Variants in GOSR2 observed in about 807,000 individuals in gnomAD.
GOSR2 encodes the protein 27 kDa Golgi SNARE protein.
GOSR2 carries 20 observed loss-of-function variants against 27.9 expected under a neutral mutation model. The ratio of observed to expected loss-of-function variants is 0.72; its 90% confidence interval spans 0.50 to 1.04. GOSR2 has a LOEUF of 1.04. Among genes scored for constraint, GOSR2 ranks in the 50% least tolerant of loss-of-function variants. GOSR2 has a pLI of 0.00. For missense variants in GOSR2, 261 were observed against 270.5 expected (o/e 0.97, Z 0.25); for synonymous variants, 91 against 98.8 (o/e 0.92, Z 0.47).
At chr17:46,967,571 G>T (rs2091348420), downstream of GOSR2, among the ~76,000 whole-genome samples, 2 of 152,300 alleles carry the variant, frequency 1.3e-5, no homozygotes, top group African/African-American at 4.8e-5. Flanking sequence ...AGGAACAGAG[G>T]CATGGAGTGT....
In GOSR2 at chr17:46,940,987, A is replaced by G. The variant is rs2089193176; in HGVS notation, c.*2227A>G. Reference sequence around the variant, plus strand: ...CTCAGTGTAGGGAAGGGTCCAGGCCAGGGAAGGAGCACCCTCTAGTGGAGG... The same window carrying G: ...CTCAGTGTAGGGAAGGGTCCAGGCCGGGGAAGGAGCACCCTCTAGTGGAGG... On this transcript the variant is annotated 3_prime_UTR_variant, in exon 6 of 6. Coordinates refer to ENST00000640051, the MANE Select transcript of GOSR2 (RefSeq NM_004287.5). The G allele has an allele frequency of 1.7e-6, 2 of 1,176,416 alleles. No homozygotes were observed. The highest frequency in any genetic ancestry group is 5.4e-5 in the East Asian group (1 of 18,468). 72.9% of individuals were successfully genotyped at this position (1,176,416 alleles called of 1,614,324 possible).
At chr17:46,972,946 A>T (rs972139493) in intron 6 of GOSR2, 1 of 153,868 alleles carries the variant, frequency 6.5e-6, no homozygotes, top group Non-Finnish European at 1.5e-5. Context: ...TTGTACGTCA[A>T]GTTTATTAGG....
At position 46,927,741 on chromosome 17, in the gene GOSR2, C is replaced by T. The variant is rs184280076; in HGVS notation, c.30-1779C>T. 3.9e-5 allele frequency among the ~76,000 whole-genome samples: 6 copies of T among 152,242 alleles called. No homozygotes were observed. In the East Asian group the frequency reaches 5.8e-4, roughly 15 times the overall value. On this transcript the variant is annotated intron_variant, in intron 1 of 5. Transcript: ENST00000640051. The stretch of plus-strand genomic sequence containing the variant: ...CCTTGTCTGTCTGCACCTGCACTGC[C>T]GCCATATTGTTTCCATTGTTACTGC...
chr17:46,939,029 G>A lies in GOSR2; in HGVS notation c.*269G>A. On this transcript the variant is annotated 3_prime_UTR_variant, in exon 6 of 6. Transcript: ENST00000640051. ...TCTCACTCTCGCTCTCACTGGGGGA[G>A]GGAAAGAATGGCTTTGGTGGCTTTG... 1 of 1,281,356 alleles carries A rather than the reference G, an allele frequency of 7.8e-7. No homozygotes were observed. Among genetic ancestry groups the A allele is most frequent in the African/African-American group, 1.5e-5 (1 of 64,926 alleles). 79.4% of individuals were successfully genotyped at this position (1,281,356 alleles called of 1,614,324 possible).
At chr17:46,923,546 T>A in intron 1 of GOSR2, 1 of 1,326,432 alleles carries the variant, frequency 7.5e-7, no homozygotes, top group East Asian at 2.8e-5. Context: ...AACTCGGTGC[T>A]CCTGGTTGGT....
intron 6 of GOSR2, among the ~76,000 whole-genome samples, chr17:46,960,714 G>A (rs1417127824): frequency 2.0e-5 from 3 of 152,198 alleles, no homozygotes; most frequent in South Asian, 2.1e-4. Flanking sequence ...AGTGTGAAAC[G>A]ATATGGATGC....
chr17:46,974,208 G>A (rs2091422704), intron 6 of GOSR2, among the ~76,000 whole-genome samples: 1 of 152,258 alleles, frequency 6.6e-6, no homozygotes, highest in Non-Finnish European at 1.5e-5. Flanking sequence ...TACCTGGGGA[G>A]CAAAGCAAGT....
At chr17:46,925,502 G>T (rs908501024) in intron 1 of GOSR2, among the ~76,000 whole-genome samples, 16 of 152,272 alleles carry the variant, frequency 1.1e-4, no homozygotes, top group African/African-American at 3.9e-4. Flanking sequence ...TCTGGTTCTA[G>T]ACCTCCTTAC....
At chr17:46,968,064 CCTT>C (rs1477341217), downstream of GOSR2, among the ~76,000 whole-genome samples, 8 of 151,930 alleles carry the variant, frequency 5.3e-5, no homozygotes, top group Non-Finnish European at 1.0e-4. Context: ...GGGATGGGGG[CCTT>C]CTTCAGCTTG....
intron 6 of GOSR2, among the ~76,000 whole-genome samples, chr17:46,962,025 T>A (rs1297168054): frequency 1.3e-5 from 2 of 151,954 alleles, no homozygotes; most frequent in African/African-American, 4.8e-5. Context: ...TGGGGCATAG[T>A]TGGAATTCCA....
At position 46,940,992 on chromosome 17, in the gene GOSR2, A is replaced by G. The variant is rs1247832620; in HGVS notation, c.*2232A>G. 8.6e-7 allele frequency: 1 copy of G among 1,169,586 alleles called. No homozygotes were observed. The highest frequency in any genetic ancestry group is 3.9e-5 in the Admixed American group (1 of 25,598). 72.5% of individuals were successfully genotyped at this position (1,169,586 alleles called of 1,614,324 possible). ...TGTAGGGAAGGGTCCAGGCCAGGGAAGGAGCACCCTCTAGTGGAGGCGGGG... is the reference window on the plus strand; with the variant it reads ...TGTAGGGAAGGGTCCAGGCCAGGGAGGGAGCACCCTCTAGTGGAGGCGGGG... On this transcript the variant is annotated 3_prime_UTR_variant, in exon 6 of 6. Coordinates refer to ENST00000640051, the MANE Select transcript of GOSR2 (RefSeq NM_004287.5).
At chr17:46,969,206 T>C (rs757791472), downstream of GOSR2, among the ~76,000 whole-genome samples, 24 of 152,334 alleles carry the variant, frequency 1.6e-4, no homozygotes, top group Non-Finnish European at 3.1e-4. Context: ...TCCAGAGCCT[T>C]CTTATGGTCC....
At chr17:46,969,946 G>A (rs192702690), downstream of GOSR2, among the ~76,000 whole-genome samples, 48 of 152,244 alleles carry the variant, frequency 3.2e-4, no homozygotes, top group Admixed American at 2.7e-3. Flanking sequence ...GTGATGTGCG[G>A]GGTGGGGGAA....
chr17:46,956,524 A>T (rs1391773231), intron 6 of GOSR2, among the ~76,000 whole-genome samples: 2 of 149,784 alleles, frequency 1.3e-5, no homozygotes, highest in Non-Finnish European at 3.0e-5. Flanking sequence ...CTAGTCTCAA[A>T]CTCCTGACCT....
At chr17:46,945,713 T>G (rs1191635511), downstream of GOSR2, among the ~76,000 whole-genome samples, 1 of 152,116 alleles carries the variant, frequency 6.6e-6, no homozygotes, top group Admixed American at 6.5e-5. Flanking sequence ...ACTTCTGGCC[T>G]CCTCTAAGAG....
chr17:46,924,088 C>A (rs2086133434), intron 1 of GOSR2, among the ~76,000 whole-genome samples: 1 of 152,190 alleles, frequency 6.6e-6, no homozygotes, highest in Non-Finnish European at 1.5e-5. Context: ...AGAACTTTTT[C>A]ATCATCCCAG....
chr17:46,973,451 C>G (rs1036087997), intron 6 of GOSR2, among the ~76,000 whole-genome samples: 3 of 152,158 alleles, frequency 2.0e-5, no homozygotes, highest in Non-Finnish European at 2.9e-5. Context: ...GGATGAGCCA[C>G]CACACCTAGC....
exon 7 of GOSR2, chr17:46,966,732 A>T (rs926060770): frequency 8.5e-6 from 4 of 471,614 alleles, no homozygotes; most frequent in South Asian, 8.8e-5. Context: ...TGACTTGAGC[A>T]ATTTGTGCCT....
At chr17:46,965,164 G>A (rs2091255460) in intron 6 of GOSR2, 1 of 152,224 alleles carries the variant, frequency 6.6e-6, no homozygotes, top group Admixed American at 6.5e-5. Flanking sequence ...ATGTTCTCGG[G>A]TGGGCAGGGC....
Sources: allele counts gnomAD v4.1 joint callset (sites outside exome capture counted in the v4.1 genomes callset), GRCh38; gene constraint gnomAD v4.1.1; transcripts MANE v1.5; gene names NCBI Gene and HGNC (gene_info 2026-07-23, HGNC 2026-07-21).